Variants in FARP1 observed in about 807,000 individuals in gnomAD.
The protein encoded by FARP1 is FERM, ARH/RhoGEF and pleckstrin domain protein 1, also known as FERM, ARHGEF and pleckstrin domain-containing protein 1.
Under a neutral mutation model 128.8 loss-of-function variants are expected in FARP1, and 52 were observed. That is an observed-to-expected ratio of 0.40 (90% CI 0.32 to 0.51). The LOEUF (loss-of-function observed/expected upper bound fraction) is 0.51, where lower values mean the gene tolerates loss of function less well. FARP1 is among the 20% of genes least tolerant of loss of function. The pLI is 0.45. For missense variants in FARP1, 1,333 were observed against 1,367.9 expected (o/e 0.97, Z 0.40); for synonymous variants, 580 against 551.8 (o/e 1.05, Z -0.72).
Position 98,390,086 on chromosome 13 carries a change from G to C in FARP1, c.985G>C (p.Val329Leu). ...AGAGCCCAAACCAAAGCCCAAGCCC[G>C]TCCTCTTTAGCCGGGGGTCATCATT... The part of the protein sequence containing the change: ...FEEPKPKPKP[V>L]LFSRGSSFRF... The change falls in exon 10 of 27, where the codon GTC becomes CTC. Residue 329 changes from valine (V) to leucine (L), a missense_variant. By Grantham distance (32) the Val-to-Leu change is conservative. Transcript: ENST00000319562. 5 of 1,614,082 alleles carry C rather than the reference G, an allele frequency of 3.1e-6. No homozygotes were observed. Among genetic ancestry groups the C allele is most frequent in the Non-Finnish European group, 4.2e-6 (5 of 1,180,004 alleles).
chr13:98,266,791 C>A (rs1001702193), intron 2 of FARP1, among the ~76,000 whole-genome samples: 1 of 151,984 alleles, frequency 6.6e-6, no homozygotes, highest in Non-Finnish European at 1.5e-5. Flanking sequence ...GTGGGTGGAT[C>A]GCTTGAGGTC....
chr13:98,358,495 A>G (rs1888729029), intron 3 of FARP1, among the ~76,000 whole-genome samples: 1 of 152,148 alleles, frequency 6.6e-6, no homozygotes, highest in African/African-American at 2.4e-5. Flanking sequence ...GAAAATCTCT[A>G]GAAAGTGATA....
intron 2 of FARP1, among the ~76,000 whole-genome samples, chr13:98,304,482 T>G (rs1886053828): frequency 6.6e-6 from 1 of 152,232 alleles, no homozygotes; most frequent in South Asian, 2.1e-4. Flanking sequence ...AAGGTGCAGA[T>G]TCCGAGGTGG....
At chr13:98,277,109 TACACACACAC>T (rs368911842) in intron 2 of FARP1, among the ~76,000 whole-genome samples, 1 of 118,140 alleles carries the variant, frequency 8.5e-6, no homozygotes, top group Admixed American at 9.3e-5. Flanking sequence ...TCTAGAAAAA[TACACACACAC>T]ACACACACAC....
intron 1 of FARP1, among the ~76,000 whole-genome samples, chr13:98,153,528 T>C (rs1358397412): frequency 2.6e-4 from 25 of 95,468 alleles, no homozygotes; most frequent in South Asian, 7.2e-4. Flanking sequence ...TTTATATATA[T>C]ATTATATATA....
intron 15 of FARP1, among the ~76,000 whole-genome samples, chr13:98,411,344 G>C (rs934686349): frequency 5.9e-5 from 9 of 152,296 alleles, no homozygotes; most frequent in African/African-American, 1.9e-4. Flanking sequence ...CCAATTGGGA[G>C]GGAAATTGGG....
At chr13:98,222,766 T>G (rs1881495044) in intron 2 of FARP1, among the ~76,000 whole-genome samples, 2 of 150,796 alleles carry the variant, frequency 1.3e-5, no homozygotes, top group East Asian at 1.9e-4. Context: ...GGACTAGGAC[T>G]GCAGGCGTGC....
At chr13:98,409,919 C>T (rs1170948709) in intron 14 of FARP1, among the ~76,000 whole-genome samples, 1 of 152,216 alleles carries the variant, frequency 6.6e-6, no homozygotes, top group East Asian at 1.9e-4. Context: ...CCATATGTAG[C>T]ATGGGTGAGA....
In FARP1 at chr13:98,306,708, G is replaced by A. The variant is rs533713242; in HGVS notation, c.172-37054G>A. Among the ~76,000 whole-genome samples, 8 of 151,330 alleles carry A rather than the reference G, an allele frequency of 5.3e-5. No individual in the cohort carries two copies. The South Asian group carries it at 8.4e-4, about 16-fold the overall frequency. ...TTTTTTTTTTATTTCATTTTTTGTCGAGATGAGGTCTCTCTATGTTACCCA... is the reference window on the plus strand; with the variant it reads ...TTTTTTTTTTATTTCATTTTTTGTCAAGATGAGGTCTCTCTATGTTACCCA... On this transcript the variant is annotated intron_variant, in intron 2 of 26. Coordinates refer to ENST00000319562, the MANE Select transcript of FARP1 (RefSeq NM_005766.4).
intron 11 of FARP1, among the ~76,000 whole-genome samples, chr13:98,391,548 G>A (rs1285050293): frequency 6.6e-6 from 1 of 152,194 alleles, no homozygotes; most frequent in Admixed American, 6.5e-5. Context: ...TGGGATTACA[G>A]GCAAGAGTCA....
chr13:98,152,604 A>T (rs1364731335), intron 1 of FARP1, among the ~76,000 whole-genome samples: 2 of 152,216 alleles, frequency 1.3e-5, no homozygotes, highest in African/African-American at 2.4e-5. Flanking sequence ...GTTCTAGGAT[A>T]CCAGATAATA....
chr13:98,278,387 C>T (rs1211727463), intron 2 of FARP1, among the ~76,000 whole-genome samples: 8 of 151,766 alleles, frequency 5.3e-5, no homozygotes, highest in East Asian at 1.9e-4. Flanking sequence ...TTTGTGTGCA[C>T]GTTGCATATG....
At chr13:98,379,151 A>T (rs1363859351) in intron 6 of FARP1, among the ~76,000 whole-genome samples, 2 of 68,726 alleles carry the variant, frequency 2.9e-5, no homozygotes, top group Non-Finnish European at 4.6e-5. Flanking sequence ...ATCTATATAT[A>T]ATATATATAT....
intron 2 of FARP1, among the ~76,000 whole-genome samples, chr13:98,271,087 A>G (rs1045271459): frequency 1.3e-5 from 2 of 152,254 alleles, no homozygotes; most frequent in Non-Finnish European, 2.9e-5. Flanking sequence ...TCAGGATGAC[A>G]GAAGAGCTGA....
At chr13:98,379,815 T>C (rs947413964) in intron 6 of FARP1, among the ~76,000 whole-genome samples, 3 of 152,190 alleles carry the variant, frequency 2.0e-5, no homozygotes, top group Non-Finnish European at 2.9e-5. Flanking sequence ...TTGGTATAGA[T>C]GCAGTATTTT....
chr13:98,366,428 C>A (rs146125444), intron 4 of FARP1, among the ~76,000 whole-genome samples: 1 of 152,198 alleles, frequency 6.6e-6, no homozygotes, highest in East Asian at 1.9e-4. Context: ...TGGCAGGCAA[C>A]GACTAGTGTT....
At chr13:98,285,230 T>G (rs1318448447) in intron 2 of FARP1, among the ~76,000 whole-genome samples, 1 of 152,176 alleles carries the variant, frequency 6.6e-6, no homozygotes, top group African/African-American at 2.4e-5. Context: ...ATGTACACAT[T>G]AAAAAATTTT....
intron 2 of FARP1, among the ~76,000 whole-genome samples, chr13:98,238,847 T>C (rs1433856778): frequency 6.6e-6 from 1 of 152,108 alleles, no homozygotes; most frequent in Non-Finnish European, 1.5e-5. Flanking sequence ...GTAGTTAATT[T>C]TTGGGGGAGT....
intron 2 of FARP1, among the ~76,000 whole-genome samples, chr13:98,237,032 G>T (rs574124813): frequency 1.3e-5 from 2 of 151,522 alleles, no homozygotes; most frequent in African/African-American, 2.4e-5. Flanking sequence ...GGCCGGGCGC[G>T]TGTGGCTCAT....
Sources: gnomAD v4.1 joint callset for allele counts (sites outside exome capture counted in the v4.1 genomes callset) on GRCh38, gnomAD v4.1.1 for gene constraint, MANE v1.5 for transcripts, NCBI Gene and HGNC (gene_info 2026-07-23, HGNC 2026-07-21) for gene names.